Variants in FOCAD observed in about 807,000 individuals in gnomAD.
FOCAD encodes the protein focadhesin, also known as KIAA1797.
In FOCAD, 198 loss-of-function variants were observed where a neutral mutation model predicts 225.6. That is an observed-to-expected ratio of 0.88 (90% CI 0.78 to 0.99). The LOEUF (loss-of-function observed/expected upper bound fraction) is 0.99. FOCAD is among the 50% of genes least tolerant of loss of function. The probability of loss-of-function intolerance (pLI) is 0.00; values close to 1 mark genes in which losing one functional copy is unlikely to be tolerated. For synonymous variants in FOCAD, 897 were observed against 755.0 expected (o/e 1.19, Z -3.08); for missense variants, 2,713 against 2,123.6 (o/e 1.28, Z -5.46).
chr9:20,875,856 A>T (rs895745655), intron 19 of FOCAD: 1 of 152,156 alleles, frequency 6.6e-6, no homozygotes. Context: ...TAGCTTTTCT[A>T]TATTAGACAA....
chr9:20,894,499 C>CTTGG (rs1266175638), intron 21 of FOCAD, among the ~76,000 whole-genome samples: 1 of 152,098 alleles, frequency 6.6e-6, no homozygotes, highest in Non-Finnish European at 1.5e-5. Context: ...CTTCCTCTTG[C>CTTGG]TCCAAAGCCT....
intron 4 of FOCAD, among the ~76,000 whole-genome samples, chr9:20,724,213 A>G (rs1446794505): frequency 6.6e-6 from 1 of 152,232 alleles, no homozygotes; most frequent in Non-Finnish European, 1.5e-5. Flanking sequence ...TATAAAATAT[A>G]TAAACAGCTT....
chr9:20,777,962 C>T (rs1004650506), intron 8 of FOCAD, among the ~76,000 whole-genome samples: 2 of 151,060 alleles, frequency 1.3e-5, no homozygotes, highest in African/African-American at 4.9e-5. Flanking sequence ...CAGTGGCGGG[C>T]GCCTGTAGTC....
chr9:20,862,575 C>CG lies in FOCAD; in HGVS notation c.1921-3_1921-2insG. 1 of 1,612,518 alleles carries CG rather than the reference C, an allele frequency of 6.2e-7. No homozygotes were observed. The highest frequency in any genetic ancestry group is 1.1e-5 in the South Asian group (1 of 90,756). ...GTGTTGACCTTTTCTATTTGCTTCA[C>CG]AGGTTGTTTGCATTCGCTCCACTTG... On this transcript the variant is annotated splice_region_variant and splice_polypyrimidine_tract_variant and intron_variant, in intron 15 of 43. Transcript: ENST00000338382.
At chr9:20,939,577 A>C (rs1199617367) in intron 28 of FOCAD, among the ~76,000 whole-genome samples, 1 of 152,126 alleles carries the variant, frequency 6.6e-6, no homozygotes, top group Non-Finnish European at 1.5e-5. Context: ...CCATACAGAT[A>C]CTGAGGTGTT....
chr9:20,743,405 C>T (rs907019784), intron 5 of FOCAD, among the ~76,000 whole-genome samples: 1 of 152,174 alleles, frequency 6.6e-6, no homozygotes, highest in African/African-American at 2.4e-5. Context: ...CTTCTAATAG[C>T]TGATTAATTT....
At chr9:20,713,670 G>C (rs1473590374) in intron 1 of FOCAD, among the ~76,000 whole-genome samples, 1 of 152,190 alleles carries the variant, frequency 6.6e-6, no homozygotes, top group African/African-American at 2.4e-5. Context: ...ACCTAGAACT[G>C]TGCTGGACAC....
chr9:20,876,676 T>C (rs1194038726), intron 19 of FOCAD, among the ~76,000 whole-genome samples: 2 of 152,202 alleles, frequency 1.3e-5, no homozygotes, highest in Non-Finnish European at 2.9e-5. Flanking sequence ...GGACATTTTT[T>C]CGTTGATTAT....
Position 20,882,012 on chromosome 9 carries a change from T to C in FOCAD, c.2459T>C (p.Met820Thr), listed in dbSNP as rs1357429605. The C allele has an allele frequency of 1.2e-6, 2 of 1,613,828 alleles. No individual in the cohort carries two copies. Among genetic ancestry groups the C allele is most frequent in the Middle Eastern group, 1.7e-4 (1 of 6,060 alleles). ...VAGIPNFILK[M>T]YETNKQPGLK... is the part of the protein sequence containing the mutation. ...GGAATCCCCAATTTTATATTGAAAA[T>C]GTATGAAACAAACAAGCAACCAGGA... Residue 820 changes from methionine (M) to threonine (T), a missense_variant, in exon 20 of 44, where the codon ATG (methionine) becomes ACG (threonine). By Grantham distance (81) the Met-to-Thr change is moderately conservative. Coordinates refer to ENST00000338382, the MANE Select transcript of FOCAD (RefSeq NM_001375567.1).
chr9:20,901,704 T>C (rs1171870661), intron 21 of FOCAD, among the ~76,000 whole-genome samples: 1 of 151,924 alleles, frequency 6.6e-6, no homozygotes, highest in Non-Finnish European at 1.5e-5. Context: ...CAATTGCGAA[T>C]TATGTTTCTA....
intron 15 of FOCAD, among the ~76,000 whole-genome samples, chr9:20,836,393 T>C (rs144174606): frequency 8.5e-5 from 13 of 152,212 alleles, no homozygotes; most frequent in African/African-American, 3.1e-4. Flanking sequence ...TGTGGGACTT[T>C]TAAAGGTGGA....
intron 19 of FOCAD, chr9:20,875,081 A>T (rs943782877): frequency 2.7e-6 from 1 of 365,526 alleles, no homozygotes; most frequent in South Asian, 3.4e-5. Flanking sequence ...AAAAGGCTAA[A>T]TGTATTCCAC....
rs757145425 is a variant in FOCAD, at chr9:20,978,443, C to A, written c.4366C>A (p.His1456Asn). Residue 1456 changes from histidine to asparagine, a missense_variant, in exon 37 of 44, where the codon CAC becomes AAC. His to Asn is a moderately conservative substitution (Grantham distance 68). Coordinates refer to ENST00000338382, the MANE Select transcript of FOCAD (RefSeq NM_001375567.1). The part of the protein sequence containing the change: ...LGLWVTPPLI[H>N]SLSLNTKRYL... ...CTTGTGGGTGACACCACCACTGATCCACAGTCTGAGTGTATGTAGTAACTA... is the reference window on the plus strand; with the variant it reads ...CTTGTGGGTGACACCACCACTGATCAACAGTCTGAGTGTATGTAGTAACTA... The A allele has an allele frequency of 6.2e-7, 1 of 1,608,146 alleles. No homozygotes were observed. The highest frequency in any genetic ancestry group is 1.3e-5 in the African/African-American group (1 of 74,706).
chr9:20,948,704 C>G (rs1269053346), intron 31 of FOCAD, 147 bp from the exon 32 acceptor site: 1 of 778,766 alleles, frequency 1.3e-6, no homozygotes, highest in African/African-American at 1.8e-5. Context: ...AGTCTGCTGC[C>G]ATTTTTGGTT....
At chr9:20,897,300 C>T (rs563022941) in intron 21 of FOCAD, among the ~76,000 whole-genome samples, 37 of 151,704 alleles carry the variant, frequency 2.4e-4, no homozygotes, top group Non-Finnish European at 4.4e-4. Context: ...AAGTAGATTT[C>T]TTGTAGACAA....
At chr9:20,662,074 C>T (rs1158707585) in intron 2 of FOCAD, among the ~76,000 whole-genome samples, 1 of 152,116 alleles carries the variant, frequency 6.6e-6, no homozygotes. Flanking sequence ...GCACAAAGAA[C>T]TACTGAAAAT....
intron 16 of FOCAD, 129 bp from the exon 17 acceptor site, chr9:20,865,797 A>G: frequency 1.7e-6 from 1 of 605,158 alleles, no homozygotes; most frequent in Non-Finnish European, 2.9e-6. Flanking sequence ...GGGTGAATAC[A>G]CATTAAGTGA....
At chr9:20,851,966 A>G (rs1395122945) in intron 15 of FOCAD, among the ~76,000 whole-genome samples, 1 of 151,780 alleles carries the variant, frequency 6.6e-6, no homozygotes, top group Non-Finnish European at 1.5e-5. Flanking sequence ...GGCCCTTGAA[A>G]CCTAAAATAT....
At chr9:20,690,741 GT>G (rs758158108) in intron 1 of FOCAD, among the ~76,000 whole-genome samples, 6 of 151,998 alleles carry the variant, frequency 3.9e-5, no homozygotes, top group Non-Finnish European at 5.9e-5. Context: ...AGCGGTGGGG[GT>G]CTTACCATGT....
Sources: allele counts gnomAD v4.1 joint callset (sites outside exome capture counted in the v4.1 genomes callset), GRCh38; gene constraint gnomAD v4.1.1; transcripts MANE v1.5; gene names NCBI Gene and HGNC (gene_info 2026-07-23, HGNC 2026-07-21).